The following LDHAL6A variants were observed in gnomAD, a reference collection of about 807,000 sequenced individuals.
The protein encoded by LDHAL6A is L-lactate dehydrogenase A-like 6A.
A neutral mutation model predicts 28.2 loss-of-function variants in LDHAL6A; 19 were observed. The ratio of observed to expected loss-of-function variants is 0.67; its 90% CI spans 0.47 to 0.99. The LOEUF (loss-of-function observed/expected upper bound fraction) is 0.99, where lower values mean the gene tolerates loss of function less well. Among genes scored for constraint, LDHAL6A ranks in the 50% least tolerant of loss-of-function variants. The pLI is 0.00. For missense variants in LDHAL6A, 372 were observed against 398.6 expected (o/e 0.93, Z 0.57); for synonymous variants, 144 against 134.4 (o/e 1.07, Z -0.49).
chr11:18,477,780 AT>A, intron 6 of LDHAL6A, 37 bp downstream of exon 6: 2 of 1,566,426 alleles, frequency 1.3e-6, no homozygotes, highest in Non-Finnish European at 1.7e-6. Context: ...TTAACTCAAC[AT>A]AAAATAGGGG....
chr11:18,462,644 AAACAAAC>A, intron 1 of LDHAL6A, among the ~76,000 whole-genome samples: 1 of 56,256 alleles, frequency 1.8e-5, no homozygotes, highest in Non-Finnish European at 3.5e-5. Flanking sequence ...CTCAAAAAAC[AAACAAAC>A]AAACAAAAAA....
At chr11:18,471,232 G>C (rs1049539415) in intron 3 of LDHAL6A, among the ~76,000 whole-genome samples, 3 of 143,656 alleles carry the variant, frequency 2.1e-5, no homozygotes, top group Admixed American at 6.9e-5. Context: ...TTTTTTGAGA[G>C]AGGGTTTTGC....
At chr11:18,465,913 T>C in intron 3 of LDHAL6A, 103 bp downstream of exon 3, 6 of 915,690 alleles carry the variant, frequency 6.6e-6, no homozygotes, top group Admixed American at 2.3e-5. Flanking sequence ...GGGGTAGGAT[T>C]GATCCTGCCA....
intron 5 of LDHAL6A, 95 bp from the exon 6 acceptor site, chr11:18,477,525 T>C (rs1031878361): frequency 8.2e-6 from 9 of 1,094,284 alleles, no homozygotes; most frequent in Non-Finnish European, 1.2e-5. Context: ...ATGGAGTCAC[T>C]GCAGTTTTGT....
intron 1 of LDHAL6A, among the ~76,000 whole-genome samples, chr11:18,457,187 C>CT (rs1264267039): frequency 2.6e-5 from 4 of 152,090 alleles, no homozygotes; most frequent in Admixed American, 6.6e-5. Flanking sequence ...ATACAATAAT[C>CT]TTTTTTCATT....
At chr11:18,457,892 A>G (rs777580086) in intron 1 of LDHAL6A, among the ~76,000 whole-genome samples, 25 of 152,214 alleles carry the variant, frequency 1.6e-4, no homozygotes, top group Non-Finnish European at 4.4e-5. Context: ...GCATTATCCA[A>G]TATTACAACC....
intron 3 of LDHAL6A, among the ~76,000 whole-genome samples, chr11:18,467,862 AAT>A (rs1178362267): frequency 4.6e-5 from 3 of 65,606 alleles, no homozygotes; most frequent in Admixed American, 2.0e-4. Context: ...TCTCAAAAAA[AAT>A]ATATATATAT....
At chr11:18,462,937 GTTTC>G (rs1394109736) in intron 1 of LDHAL6A, among the ~76,000 whole-genome samples, 3 of 136,168 alleles carry the variant, frequency 2.2e-5, no homozygotes, top group Non-Finnish European at 4.6e-5. Context: ...ATTTGAATCA[GTTTC>G]TTGTATTTCT....
At chr11:18,473,242 T>G (rs565067865) in intron 3 of LDHAL6A, among the ~76,000 whole-genome samples, 3 of 152,352 alleles carry the variant, frequency 2.0e-5, no homozygotes, top group Admixed American at 2.0e-4. Flanking sequence ...GTATTCAGTT[T>G]TAGTAAACAA....
chr11:18,463,319 C>G lies in LDHAL6A; in HGVS notation c.127-642C>G, dbSNP rs1012172117. 2.0e-5 allele frequency among the ~76,000 whole-genome samples: 3 copies of G among 152,112 alleles called. No homozygotes were observed. The East Asian group carries it at 5.8e-4, about 29-fold the overall frequency. ...ACAGACCTGAATTTAGCAATCGCAG[C>G]CTCCTTGCCATGTGATGCCCTGTGC... On this transcript the variant is annotated intron_variant, in intron 1 of 6. Coordinates refer to ENST00000280706, the MANE Select transcript of LDHAL6A (RefSeq NM_144972.5).
chr11:18,470,994 AAC>A (rs1334457836), intron 3 of LDHAL6A, among the ~76,000 whole-genome samples: 1 of 151,920 alleles, frequency 6.6e-6, no homozygotes, highest in Non-Finnish European at 1.5e-5. Flanking sequence ...GCCACATTTC[AAC>A]AGTGTTTTAT....
chr11:18,465,406 A>G (rs1348106429), intron 2 of LDHAL6A, among the ~76,000 whole-genome samples: 4 of 148,692 alleles, frequency 2.7e-5, no homozygotes, highest in African/African-American at 1.0e-4. Context: ...TACAGGGGTG[A>G]GCCACTGCAC....
chr11:18,467,926 C>CACAT (rs1362184550), intron 3 of LDHAL6A, among the ~76,000 whole-genome samples: 2 of 55,456 alleles, frequency 3.6e-5, no homozygotes, highest in African/African-American at 9.6e-5. Context: ...TATACACACA[C>CACAT]ATATATATAT....
intron 3 of LDHAL6A, among the ~76,000 whole-genome samples, chr11:18,466,275 A>G (rs927202268): frequency 8.4e-5 from 8 of 95,502 alleles, no homozygotes; most frequent in African/African-American, 2.9e-4. Flanking sequence ...AACCACCAGT[A>G]TAATTCCAGA....
At chr11:18,459,996 T>G (rs1848856916) in intron 1 of LDHAL6A, among the ~76,000 whole-genome samples, 1 of 152,224 alleles carries the variant, frequency 6.6e-6, no homozygotes, top group South Asian at 2.1e-4. Flanking sequence ...GGCTACATAC[T>G]GTCATGATTT....
At chr11:18,465,880 T>C in intron 3 of LDHAL6A, 70 bp downstream of exon 3, 1 of 1,183,566 alleles carries the variant, frequency 8.4e-7, no homozygotes. Context: ...ATTACATGAG[T>C]ATACTGTGTG....
At chr11:18,478,589 G>T in intron 6 of LDHAL6A, 117 bp from the exon 7 acceptor site, 2 of 791,108 alleles carry the variant, frequency 2.5e-6, no homozygotes, top group East Asian at 2.6e-5. Flanking sequence ...TCTCTGCCTT[G>T]GTACTCTGCC....
At chr11:18,474,711 A>G (rs924551069) in intron 3 of LDHAL6A, among the ~76,000 whole-genome samples, 4 of 152,004 alleles carry the variant, frequency 2.6e-5, no homozygotes, top group Admixed American at 1.3e-4. Flanking sequence ...AAAAAAATAT[A>G]TTTTTTAGGC....
chr11:18,467,983 A>G (rs1249650495), intron 3 of LDHAL6A, among the ~76,000 whole-genome samples: 4 of 44,720 alleles, frequency 8.9e-5, no homozygotes, highest in African/African-American at 3.8e-4. Context: ...ATATATACGT[A>G]TATATATGCA....
Sources: allele counts gnomAD v4.1 joint callset (sites outside exome capture counted in the v4.1 genomes callset), GRCh38; gene constraint gnomAD v4.1.1; transcripts MANE v1.5; gene names NCBI Gene and HGNC (gene_info 2026-07-23, HGNC 2026-07-21).